The following KCNE1 variants were observed in gnomAD, a reference collection of about 807,000 sequenced individuals.
KCNE1 encodes the protein potassium voltage-gated channel subfamily E member 1.
In KCNE1, 1 loss-of-function variant was observed where a neutral mutation model predicts 2.9. The ratio of observed to expected loss-of-function variants is 0.34; its 90% CI spans 0.12 to 1.62. The LOEUF is 1.62. KCNE1 is among the 40% of genes most tolerant of loss of function. The pLI is 0.36. For synonymous variants in KCNE1, 23 were observed against 65.4 expected (o/e 0.35, Z 3.13); for missense variants, 45 against 150.5 (o/e 0.30, Z 3.67).
Position 34,511,138 on chromosome 21 carries a change from G to T in KCNE1, c.-199C>A. The T allele has an allele frequency of 2.0e-6, 2 of 985,656 alleles. No individual in the cohort carries two copies. Among genetic ancestry groups the T allele is most frequent in the Non-Finnish European group, 2.4e-6 (2 of 830,092 alleles). 61.1% of individuals were successfully genotyped at this position (985,656 alleles called of 1,614,324 possible). A position where few individuals can be genotyped will look rare whatever the true frequency, so the allele number is the denominator to read the frequency against. ...CTGAAGTCTCCTCAAGCACACTGCG[G>T]TGTCCACACCATTGGCAGCAGGCTC... is the stretch of plus-strand genomic sequence containing the variant. On this transcript the variant is annotated 5_prime_UTR_variant, in exon 2 of 4. Transcript: ENST00000399286.
chr21:34,506,234 T>C (rs1983479963), intron 2 of KCNE1, among the ~76,000 whole-genome samples: 1 of 152,168 alleles, frequency 6.6e-6, no homozygotes, highest in Non-Finnish European at 1.5e-5. Context: ...GGGGACAAGC[T>C]TTTGGAAAAT....
At chr21:34,510,455 T>C (rs916421879) in intron 2 of KCNE1, 1 of 152,478 alleles carries the variant, frequency 6.6e-6, no homozygotes, top group African/African-American at 2.4e-5. Context: ...CCAGACATGG[T>C]GGGTGCACAC....
intron 2 of KCNE1, among the ~76,000 whole-genome samples, chr21:34,500,221 T>A (rs1375895330): frequency 1.3e-5 from 2 of 152,220 alleles, no homozygotes; most frequent in Non-Finnish European, 2.9e-5. Flanking sequence ...TTAATATATA[T>A]ACACACAGTA....
intron 2 of KCNE1, among the ~76,000 whole-genome samples, chr21:34,501,245 G>A (rs1010529000): frequency 5.3e-5 from 8 of 152,304 alleles, no homozygotes; most frequent in East Asian, 1.9e-4. Context: ...GAGTAGGACC[G>A]GGTAAGTCAA....
intron 2 of KCNE1, among the ~76,000 whole-genome samples, chr21:34,496,284 A>G (rs1294719237): frequency 6.6e-6 from 1 of 152,106 alleles, no homozygotes; most frequent in African/African-American, 2.4e-5. Context: ...CGTGTTAGCC[A>G]GGATGGTCTT....
At chr21:34,499,378 C>T (rs1351932004) in intron 2 of KCNE1, among the ~76,000 whole-genome samples, 2 of 152,240 alleles carry the variant, frequency 1.3e-5, no homozygotes, top group African/African-American at 4.8e-5. Context: ...ATCCTGTTGG[C>T]CACAGCTTTG....
intron 2 of KCNE1, among the ~76,000 whole-genome samples, chr21:34,496,510 A>G (rs1174036985): frequency 6.6e-6 from 1 of 152,080 alleles, no homozygotes; most frequent in African/African-American, 2.4e-5. Context: ...TTTATTCCAC[A>G]CGGTCTGAAA....
At chr21:34,507,303 G>A (rs527346606) in intron 2 of KCNE1, among the ~76,000 whole-genome samples, 1 of 152,318 alleles carries the variant, frequency 6.6e-6, no homozygotes, top group Admixed American at 6.5e-5. Flanking sequence ...GGTACAGGGA[G>A]ACAGGAGACA....
chr21:34,499,516 G>C (rs1459130168), intron 2 of KCNE1, among the ~76,000 whole-genome samples: 1 of 152,210 alleles, frequency 6.6e-6, no homozygotes, highest in Non-Finnish European at 1.5e-5. Context: ...AATTCTACTG[G>C]CTGCCTCTCT....
At chr21:34,507,766 C>T (rs944384567) in intron 2 of KCNE1, among the ~76,000 whole-genome samples, 4 of 152,158 alleles carry the variant, frequency 2.6e-5, no homozygotes, top group East Asian at 1.9e-4. Flanking sequence ...ACTTAGCAAC[C>T]GTGGCATGCT....
chr21:34,511,998 G>A (rs1983855803), intron 1 of KCNE1, 29 bp downstream of exon 1: 1 of 152,348 alleles, frequency 6.6e-6, no homozygotes, highest in South Asian at 2.1e-4. Context: ...CTTTCTGCCT[G>A]GCCTAGTATG....
intron 2 of KCNE1, among the ~76,000 whole-genome samples, chr21:34,503,791 C>G (rs757648580): frequency 6.6e-6 from 1 of 152,200 alleles, no homozygotes; most frequent in Non-Finnish European, 1.5e-5. Flanking sequence ...TTAGAAACCA[C>G]CTGTTTTACT....
At chr21:34,500,839 A>G (rs994921379) in intron 2 of KCNE1, among the ~76,000 whole-genome samples, 1 of 152,206 alleles carries the variant, frequency 6.6e-6, no homozygotes, top group Non-Finnish European at 1.5e-5. Flanking sequence ...GCTGCATAGC[A>G]CTTCACTATG....
At chr21:34,501,508 T>C (rs1305956168) in intron 2 of KCNE1, among the ~76,000 whole-genome samples, 1 of 152,190 alleles carries the variant, frequency 6.6e-6, no homozygotes, top group Non-Finnish European at 1.5e-5. Flanking sequence ...ATTTTAGAAG[T>C]AGATGCTCAG....
intron 2 of KCNE1, among the ~76,000 whole-genome samples, chr21:34,503,270 C>T (rs761711534): frequency 2.0e-5 from 3 of 152,122 alleles, no homozygotes; most frequent in Admixed American, 6.6e-5. Context: ...ATGTTTATCC[C>T]TTATGATAAG....
rs188300409 is a variant in KCNE1, at chr21:34,505,387, G to C, written c.-162+5714C>G. ...TGACCTCAGGTGATCCACTTGCCTC[G>C]GCCTCCCAAAGAACTGAGATTACAG... On this transcript the variant is annotated intron_variant, in intron 2 of 3. Transcript: ENST00000399286. Among the ~76,000 whole-genome samples the C allele has an allele frequency of 4.1e-4, 62 of 152,106 alleles. No individual in the cohort carries two copies. The East Asian group carries it at 9.1e-3, about 22-fold the overall frequency.
At chr21:34,509,486 C>T (rs970368249) in intron 2 of KCNE1, 1 of 151,584 alleles carries the variant, frequency 6.6e-6, no homozygotes, top group South Asian at 2.1e-4. Context: ...GACAGAGTCT[C>T]GCTCTGTCAC....
At chr21:34,499,743 C>T (rs1263855890) in intron 2 of KCNE1, among the ~76,000 whole-genome samples, 2 of 152,234 alleles carry the variant, frequency 1.3e-5, no homozygotes, top group Non-Finnish European at 2.9e-5. Context: ...GGTTTTCTCC[C>T]TCTCACACTT....
intron 2 of KCNE1, among the ~76,000 whole-genome samples, chr21:34,509,300 A>G (rs1983693879): frequency 6.6e-6 from 1 of 152,196 alleles, no homozygotes; most frequent in Non-Finnish European, 1.5e-5. Flanking sequence ...CTCAGCTCCT[A>G]GAGGCTGCCC....
Sources: gnomAD v4.1 joint callset for allele counts (sites outside exome capture counted in the v4.1 genomes callset) on GRCh38, gnomAD v4.1.1 for gene constraint, MANE v1.5 for transcripts, NCBI Gene and HGNC (gene_info 2026-07-23, HGNC 2026-07-21) for gene names.